ZNF516: variants seen among roughly 807,000 people sequenced by gnomAD.
The protein encoded by ZNF516 is zinc finger protein 516.
ZNF516 carries 19 observed loss-of-function variants against 79.7 expected under a neutral mutation model. That is an observed-to-expected ratio of 0.24 (90% CI 0.17 to 0.35). The LOEUF is 0.35. Among genes scored for constraint, ZNF516 ranks in the 10% least tolerant of loss-of-function variants. The pLI, the probability that ZNF516 is intolerant of heterozygous loss-of-function variation, is 1.00. For missense variants in ZNF516, 1,678 were observed against 1,679.5 expected, an observed-to-expected ratio of 1.00 and a Z score of 0.02; for synonymous variants, 877 against 739.5, an observed-to-expected ratio of 1.19 and a Z score of -3.02.
chr18:76,373,475 T>C (rs2074739929), intron 4 of ZNF516, among the ~76,000 whole-genome samples: 1 of 152,230 alleles, frequency 6.6e-6, no homozygotes, highest in Admixed American at 6.5e-5. Context: ...TTTTCCCAGG[T>C]ACAATCTAGA....
At chr18:76,371,188 TC>T (rs2074697504) in intron 5 of ZNF516, among the ~76,000 whole-genome samples, 1 of 152,238 alleles carries the variant, frequency 6.6e-6, no homozygotes, top group Admixed American at 6.5e-5. Flanking sequence ...ATTAGCATAT[TC>T]ATTTCTGAGG....
chr18:76,394,961 G>C (rs902231507), intron 3 of ZNF516, among the ~76,000 whole-genome samples: 4 of 152,126 alleles, frequency 2.6e-5, no homozygotes, highest in African/African-American at 9.7e-5. Flanking sequence ...TTGACTGGAA[G>C]AACCGGATGA....
At chr18:76,388,143 CCT>C (rs1460825181) in intron 3 of ZNF516, 7 of 152,260 alleles carry the variant, frequency 4.6e-5, no homozygotes, top group South Asian at 2.1e-4. Context: ...CATGCATCCC[CCT>C]GAGAACCACC....
intron 3 of ZNF516, among the ~76,000 whole-genome samples, chr18:76,408,401 C>T (rs1009322655): frequency 1.3e-5 from 2 of 152,110 alleles, no homozygotes; most frequent in South Asian, 4.1e-4. Context: ...TGAGACCCTC[C>T]GGGAGTTCCA....
chr18:76,376,950 T>C (rs1338107960), intron 4 of ZNF516, among the ~76,000 whole-genome samples: 1 of 152,150 alleles, frequency 6.6e-6, no homozygotes, highest in Non-Finnish European at 1.5e-5. Context: ...CACTCAGCCT[T>C]CTCTGCTTTG....
At chr18:76,468,273 A>G (rs1000033933) in intron 1 of ZNF516, among the ~76,000 whole-genome samples, 1 of 152,210 alleles carries the variant, frequency 6.6e-6, no homozygotes, top group African/African-American at 2.4e-5. Context: ...TTTAGTAAGA[A>G]AAACAATCAC....
At chr18:76,431,126 G>A (rs1206274838) in intron 3 of ZNF516, among the ~76,000 whole-genome samples, 2 of 152,000 alleles carry the variant, frequency 1.3e-5, no homozygotes, top group Non-Finnish European at 2.9e-5. Context: ...ATCAATAGCC[G>A]ACAAATCCCT....
chr18:76,370,914 C>G (rs550695962), intron 5 of ZNF516, among the ~76,000 whole-genome samples: 14 of 152,362 alleles, frequency 9.2e-5, no homozygotes, highest in Admixed American at 2.6e-4. Flanking sequence ...AGACCAGCTT[C>G]TGTGTGCATC....
Position 76,380,095 on chromosome 18 carries a change from T to G in ZNF516, c.2019A>C (p.Leu673Phe). The change falls in exon 4 of 7, where the codon TTA becomes TTC. Residue 673 changes from leucine to phenylalanine, a missense_variant. Coordinates refer to ENST00000443185, the MANE Select transcript of ZNF516 (RefSeq NM_014643.4). ...GCTTGGGGTGAAATGCTGGCATCTTTAAGTCCATAGAAAATCTGTGCTGCT... is the reference window on the plus strand; with the variant it reads ...GCTTGGGGTGAAATGCTGGCATCTTGAAGTCCATAGAAAATCTGTGCTGCT... The part of the protein sequence containing the change: ...RQEQHRFSMD[L>F]KMPAFHPKQE... 6.2e-7 allele frequency: 1 copy of G among 1,613,936 alleles called. No individual in the cohort carries two copies. Among genetic ancestry groups the G allele is most frequent in the Non-Finnish European group, 8.5e-7 (1 of 1,179,882 alleles).
chr18:76,380,241 C>T lies in ZNF516; in HGVS notation c.1873G>A (p.Asp625Asn), dbSNP rs772153068. 4 of 1,613,980 alleles carry T rather than the reference C, an allele frequency of 2.5e-6. No homozygotes were observed. The highest frequency in any genetic ancestry group is 3.4e-6 in the Non-Finnish European group (4 of 1,179,900). The change falls in exon 4 of 7, where the codon GAC (aspartate) becomes AAC (asparagine). Residue 625 changes from aspartate to asparagine, a missense_variant. Around this residue, in one of 5 missense-constraint regions of ZNF516, gnomAD observed 1,294 missense variants for 1,248.3 expected, o/e 1.04. Transcript: ENST00000443185. ...EVTSTELSSGDQSHKMGDNAS... is the reference protein window; with the variant it reads ...EVTSTELSSGNQSHKMGDNAS... ...TTATCTCCCATCTTGTGACTCTGGT[C>T]TCCACTGGAGAGCTCGGTCGAAGTC...
At chr18:76,443,903 C>G (rs1911883099) in intron 2 of ZNF516, among the ~76,000 whole-genome samples, 1 of 152,196 alleles carries the variant, frequency 6.6e-6, no homozygotes, top group African/African-American at 2.4e-5. Flanking sequence ...CATCAACCAC[C>G]CTGCATGGCC....
intron 1 of ZNF516, among the ~76,000 whole-genome samples, chr18:76,473,810 A>G (rs1914008141): frequency 6.6e-6 from 1 of 151,158 alleles, no homozygotes; most frequent in African/African-American, 2.4e-5. Flanking sequence ...CCAAAAAAAA[A>G]AAAAAGTAGC....
chr18:76,446,725 T>C (rs2145583298), intron 2 of ZNF516, among the ~76,000 whole-genome samples: 1 of 152,324 alleles, frequency 6.6e-6, no homozygotes, highest in East Asian at 1.9e-4. Flanking sequence ...TCCACGATGC[T>C]CTGCGATCAA....
At chr18:76,430,399 TTAAC>T (rs1329096471) in intron 3 of ZNF516, among the ~76,000 whole-genome samples, 13 of 152,302 alleles carry the variant, frequency 8.5e-5, no homozygotes, top group African/African-American at 3.1e-4. Flanking sequence ...GAAACACAAT[TTAAC>T]TAGTCAGACT....
intron 3 of ZNF516, among the ~76,000 whole-genome samples, chr18:76,435,738 T>C (rs368787974): frequency 1.3e-5 from 2 of 152,222 alleles, no homozygotes; most frequent in African/African-American, 2.4e-5. Flanking sequence ...ACGGAGGATG[T>C]CTTCTCTCCA....
rs1032741535 is a variant in ZNF516 at position 76,451,759 on chromosome 18, TAA to T, written c.-157-8550_-157-8549del. ...CACTGTAGTATTATGAACCATGAAT[TAA>T]AATACATCATTAACATCCTGGACAA... On this transcript the variant is annotated intron_variant, in intron 2 of 6. Transcript: ENST00000443185. The surrounding 1 kb of genome is among the most constrained non-coding windows in gnomAD (Gnocchi z 6.0). 1.3e-5 allele frequency among the ~76,000 whole-genome samples: 2 copies of T among 152,152 alleles called. No homozygotes were observed. The highest frequency in any genetic ancestry group is 4.8e-5 in the African/African-American group (2 of 41,432).
At chr18:76,376,429 G>A (rs979702818) in intron 4 of ZNF516, among the ~76,000 whole-genome samples, 4 of 151,680 alleles carry the variant, frequency 2.6e-5, no homozygotes, top group Non-Finnish European at 5.9e-5. Flanking sequence ...CTCACACTAT[G>A]TCTCAATGTG....
At chr18:76,412,329 C>T (rs1041930467) in intron 3 of ZNF516, among the ~76,000 whole-genome samples, 7 of 152,110 alleles carry the variant, frequency 4.6e-5, no homozygotes, top group African/African-American at 9.7e-5. Context: ...CCCAAAGGGA[C>T]GGCCTGAAAC....
At chr18:76,395,409 T>C (rs546802089) in intron 3 of ZNF516, among the ~76,000 whole-genome samples, 36 of 152,198 alleles carry the variant, frequency 2.4e-4, no homozygotes, top group African/African-American at 8.2e-4. Context: ...ATGAGGTGAG[T>C]AGGAGTCATT....
Sources: gnomAD v4.1 joint callset for allele counts (sites outside exome capture counted in the v4.1 genomes callset) on GRCh38, gnomAD v4.1.1 for gene constraint, gnomAD v4.1.1 regional missense constraint, Gnocchi (gnomAD v3.1) non-coding constraint, MANE v1.5 for transcripts, NCBI Gene and HGNC (gene_info 2026-07-23, HGNC 2026-07-21) for gene names.